ZNF91: variants seen among roughly 807,000 people sequenced by gnomAD.
ZNF91 encodes the protein zinc finger protein 91 (HPF7, HTF10).
In ZNF91, 7 loss-of-function variants were observed where a neutral mutation model predicts 12.6. That is an observed-to-expected ratio of 0.55 (90% CI 0.31 to 1.04). ZNF91 has a LOEUF of 1.04. Ranked by LOEUF, ZNF91 falls within the 50% of genes least tolerant of loss-of-function variation. The pLI is 0.05. For missense variants in ZNF91, 1,217 were observed against 1,385.4 expected (o/e 0.88, Z 1.93); for synonymous variants, 453 against 462.6 (o/e 0.98, Z 0.27).
Position 23,373,812 on chromosome 19 carries a change from C to T in ZNF91, c.183G>A (p.Leu61=). 6.2e-7 allele frequency: 1 copy of T among 1,610,636 alleles called. No individual in the cohort carries two copies. Among genetic ancestry groups the T allele is most frequent in the East Asian group, 2.2e-5 (1 of 44,632 alleles). The change falls in exon 3 of 4, where the codon CTG becomes CTA. Residue 61 remains leucine, a synonymous_variant. Transcript: ENST00000300619. The stretch of plus-strand genomic sequence containing the variant: ...CTTTTCCTTGCTCCAGATAAGTAAT[C>T]AGGTCTGGCTTAGAGAGAGCAATAC... The part of the protein sequence containing the change: ...FLGIALSKPD[L]ITYLEQGKEP...
chr19:23,349,846 C>G (rs1968320998), intron 3 of ZNF91, among the ~76,000 whole-genome samples: 1 of 152,122 alleles, frequency 6.6e-6, no homozygotes, highest in Non-Finnish European at 1.5e-5. Flanking sequence ...AACAAACAAA[C>G]AAAAACAACC....
chr19:23,311,490 A>G (rs1473596850), upstream of ZNF91, among the ~76,000 whole-genome samples: 2 of 152,150 alleles, frequency 1.3e-5, no homozygotes, highest in African/African-American at 4.8e-5. Flanking sequence ...ATTACTGGAC[A>G]CAGATTCTAG....
At chr19:23,375,762 C>T (rs1055076901) in intron 1 of ZNF91, among the ~76,000 whole-genome samples, 8 of 151,688 alleles carry the variant, frequency 5.3e-5, no homozygotes, top group Admixed American at 1.3e-4. Flanking sequence ...GTTTTATGCA[C>T]ATCACCTGCA....
chr19:23,339,110 A>C (rs1968074136), intron 3 of ZNF91: 1 of 152,086 alleles, frequency 6.6e-6, no homozygotes, highest in Admixed American at 6.6e-5. Flanking sequence ...AAATAACGCA[A>C]ATCTATGTTG....
In ZNF91 at chr19:23,374,090, C is replaced by T. The variant is rs375618205; in HGVS notation, c.158-253G>A. ...AAGGTGTGAGTAACAGTATTTTATGCCACAAAACTTCTGAAATTACCACTA... is the reference window on the plus strand; with the variant it reads ...AAGGTGTGAGTAACAGTATTTTATGTCACAAAACTTCTGAAATTACCACTA... On this transcript the variant is annotated intron_variant, in intron 2 of 3. Coordinates refer to ENST00000300619, the MANE Select transcript of ZNF91 (RefSeq NM_003430.4). Among the ~76,000 whole-genome samples the T allele has an allele frequency of 2.0e-5, 3 of 152,000 alleles. No homozygotes were observed. The East Asian group carries it at 5.8e-4, about 30-fold the overall frequency.
chr19:23,345,869 T>C (rs1198658319), intron 3 of ZNF91, among the ~76,000 whole-genome samples: 1 of 152,006 alleles, frequency 6.6e-6, no homozygotes, highest in East Asian at 1.9e-4. Flanking sequence ...CGCCCTCTCC[T>C]GAGGCTTGTA....
At chr19:23,351,851 C>T (rs1968375665) in intron 3 of ZNF91, among the ~76,000 whole-genome samples, 1 of 152,146 alleles carries the variant, frequency 6.6e-6, no homozygotes, top group African/African-American at 2.4e-5. Flanking sequence ...TGAACACACA[C>T]CCCCATACAG....
intron 1 of ZNF91, among the ~76,000 whole-genome samples, chr19:23,319,212 G>A (rs141376994): frequency 9.8e-4 from 149 of 152,296 alleles, no homozygotes; most frequent in Non-Finnish European, 1.3e-3. Context: ...GTATCGCTGA[G>A]CCCAGCACAT....
intron 1 of ZNF91, among the ~76,000 whole-genome samples, chr19:23,332,727 T>G (rs295405): frequency 0.1 from 15,759 of 152,132 alleles, 1,257 homozygotes; most frequent in East Asian, 0.37. Flanking sequence ...ACGACATAAG[T>G]GGGACCTTCC....
intron 3 of ZNF91, among the ~76,000 whole-genome samples, chr19:23,369,229 G>C (rs1421341650): frequency 6.6e-6 from 1 of 151,912 alleles, no homozygotes; most frequent in African/African-American, 2.4e-5. Context: ...AGAATCGCTT[G>C]AACCCAGGAG....
In ZNF91 at chr19:23,360,299, AC is replaced by A; in HGVS notation, c.2679del (p.Trp893CysfsTer66). The A allele has an allele frequency of 3.7e-6, 6 of 1,613,726 alleles. No homozygotes were observed. The South Asian group carries it at 6.6e-5, about 18-fold the overall frequency. ...KSEECDKAFI[W>X]SSTLTEHKRI... ...CTCTTATGTTCAGTAAGGGTTGAGG[AC>A]CAGATAAATGCTTTGTCACATTCTT... On this transcript the variant is annotated frameshift_variant, in exon 4 of 4. Transcript: ENST00000300619. LOFTEE classifies it low-confidence loss of function (END_TRUNC).
At chr19:23,383,943 C>T (rs1969796163) in intron 1 of ZNF91, among the ~76,000 whole-genome samples, 1 of 152,048 alleles carries the variant, frequency 6.6e-6, no homozygotes, top group Non-Finnish European at 1.5e-5. Flanking sequence ...AACCCTGTCT[C>T]TACTAAAAAT....
At chr19:23,370,519 T>C (rs1969232921) in intron 3 of ZNF91, among the ~76,000 whole-genome samples, 1 of 152,136 alleles carries the variant, frequency 6.6e-6, no homozygotes, top group Non-Finnish European at 1.5e-5. Flanking sequence ...GTTTAGTTTT[T>C]TGAGACAGGG....
At chr19:23,349,503 T>G (rs1405042464) in intron 3 of ZNF91, among the ~76,000 whole-genome samples, 1 of 152,134 alleles carries the variant, frequency 6.6e-6, no homozygotes, top group Non-Finnish European at 1.5e-5. Context: ...AGGAATTACC[T>G]CCCCTCCTTA....
At chr19:23,320,153 G>A (rs1382836756) in intron 1 of ZNF91, among the ~76,000 whole-genome samples, 2 of 152,150 alleles carry the variant, frequency 1.3e-5, no homozygotes, top group Non-Finnish European at 2.9e-5. Flanking sequence ...ATGGAATTGT[G>A]TCAGTCATAT....
In ZNF91 at chr19:23,344,156, G is replaced by A. The variant is rs551618695; in HGVS notation, c.254-5102C>T. The stretch of plus-strand genomic sequence containing the variant: ...GTCACCCAGGCTGGAGTGCAGTGGC[G>A]TGATCTTGGCTTACTGCAAGCTCCA... On this transcript the variant is annotated intron_variant, in intron 3 of 3. Transcript: ENST00000599743. 1.1e-4 allele frequency among the ~76,000 whole-genome samples: 16 copies of A among 152,154 alleles called. No homozygotes were observed. In the South Asian group the frequency reaches 2.1e-3, roughly 20 times the overall value.
intron 1 of ZNF91, chr19:23,385,279 GA>G (rs1969837745): frequency 1.4e-5 from 7 of 496,550 alleles, no homozygotes; most frequent in South Asian, 7.8e-5. Context: ...GAATGTCACG[GA>G]AAAAAATAAG....
downstream of ZNF91, among the ~76,000 whole-genome samples, chr19:23,356,955 C>G (rs1329287986): frequency 6.6e-6 from 1 of 152,054 alleles, no homozygotes; most frequent in East Asian, 1.9e-4. Flanking sequence ...TTAGTCCAGG[C>G]GAGGCGGCTC....
intron 1 of ZNF91, among the ~76,000 whole-genome samples, chr19:23,375,311 C>A (rs567823702): frequency 6.6e-6 from 1 of 152,060 alleles, no homozygotes; most frequent in Non-Finnish European, 1.5e-5. Context: ...AGGTGCCCAC[C>A]ACCACGCCCG....
Sources: allele counts gnomAD v4.1 joint callset (sites outside exome capture counted in the v4.1 genomes callset), GRCh38; gene constraint gnomAD v4.1.1; transcripts MANE v1.5; gene names NCBI Gene and HGNC (gene_info 2026-07-23, HGNC 2026-07-21).